The following GPR19 variants were observed in gnomAD, a reference collection of about 807,000 sequenced individuals.
GPR19 encodes the protein G protein-coupled receptor 19, also known as probable G protein-coupled receptor 19.
Under a neutral mutation model 28.5 loss-of-function variants are expected in GPR19, and 14 were observed. The observed-to-expected ratio is 0.49, with a 90% confidence interval of 0.32 to 0.77. The LOEUF (loss-of-function observed/expected upper bound fraction) is 0.77. Among genes scored for constraint, GPR19 ranks in the 30% least tolerant of loss-of-function variants. GPR19 has a pLI of 0.03. For missense variants in GPR19, 409 were observed against 504.1 expected, an observed-to-expected ratio of 0.81 and a Z score of 1.81; for synonymous variants, 173 against 184.1, an observed-to-expected ratio of 0.94 and a Z score of 0.49.
the GPR19 span, among the ~76,000 whole-genome samples, chr12:12,708,902 C>G: frequency 6.6e-6 from 1 of 152,138 alleles, no homozygotes; most frequent in Non-Finnish European, 1.5e-5. Flanking sequence ...CAAAAATTAG[C>G]TGGGCGTGGT....
upstream of GPR19, among the ~76,000 whole-genome samples, chr12:12,698,670 G>C (rs1946295413): frequency 6.6e-6 from 1 of 151,940 alleles, no homozygotes; most frequent in African/African-American, 2.4e-5. Flanking sequence ...GAGTGCCATG[G>C]CTTGATCTCG....
intron 3 of GPR19, among the ~76,000 whole-genome samples, chr12:12,672,691 G>A (rs1175888553): frequency 6.6e-6 from 1 of 151,762 alleles, no homozygotes; most frequent in Non-Finnish European, 1.5e-5. Context: ...AGGTTGCAGT[G>A]AGCCAAGATT....
At chr12:12,667,462 G>A (rs1316026210) in intron 3 of GPR19, among the ~76,000 whole-genome samples, 3 of 151,964 alleles carry the variant, frequency 2.0e-5, no homozygotes, top group Admixed American at 6.6e-5. Context: ...AGGCTGAGGC[G>A]GGCGGATCAC....
chr12:12,704,340 A>G, the GPR19 span, among the ~76,000 whole-genome samples: 1 of 152,150 alleles, frequency 6.6e-6, no homozygotes, highest in Non-Finnish European at 1.5e-5. Context: ...TGCCTCTACT[A>G]AAAATACAAA....
At chr12:12,673,383 C>T (rs1414072270) in intron 3 of GPR19, among the ~76,000 whole-genome samples, 1 of 152,212 alleles carries the variant, frequency 6.6e-6, no homozygotes, top group Non-Finnish European at 1.5e-5. Context: ...GTGGTATCTT[C>T]TGAGGTCAGG....
chr12:12,695,097 G>T (rs1946243543), intron 2 of GPR19, among the ~76,000 whole-genome samples: 1 of 152,176 alleles, frequency 6.6e-6, no homozygotes, highest in East Asian at 1.9e-4. Context: ...TACAGATGAA[G>T]TGATACTCTT....
chr12:12,702,654 T>G, the GPR19 span, among the ~76,000 whole-genome samples: 1 of 152,204 alleles, frequency 6.6e-6, no homozygotes, highest in Non-Finnish European at 1.5e-5. Context: ...ATTTCTCTGC[T>G]TTGAGAATCA....
chr12:12,705,211 G>A, the GPR19 span, among the ~76,000 whole-genome samples: 22 of 150,304 alleles, frequency 1.5e-4, no homozygotes, highest in Non-Finnish European at 3.2e-4. Flanking sequence ...CAGCTACTCG[G>A]GAGGTTGAGG....
chr12:12,673,863 C>T (rs550499861), intron 3 of GPR19, among the ~76,000 whole-genome samples: 1 of 152,148 alleles, frequency 6.6e-6, no homozygotes, highest in African/African-American at 2.4e-5. Context: ...TTTTTTTTAA[C>T]CCCCTCACGC....
the GPR19 span, among the ~76,000 whole-genome samples, chr12:12,701,802 G>A: frequency 1.3e-5 from 2 of 151,750 alleles, no homozygotes; most frequent in South Asian, 2.1e-4. Context: ...GTGGTGGTGC[G>A]TGCCTGTCAT....
chr12:12,696,369 T>C (rs1946263086), upstream of GPR19, among the ~76,000 whole-genome samples: 1 of 68,702 alleles, frequency 1.5e-5, no homozygotes, highest in Non-Finnish European at 3.4e-5. Flanking sequence ...TTTTTTTTTT[T>C]TTTTTTGCTG....
the GPR19 span, among the ~76,000 whole-genome samples, chr12:12,701,919 CAAAAAAAAA>C: frequency 1.0e-5 from 1 of 96,140 alleles, no homozygotes; most frequent in Non-Finnish European, 2.2e-5. Context: ...GACCCTGTCT[CAAAAAAAAA>C]AAAAAAAAAA....
intron 3 of GPR19, among the ~76,000 whole-genome samples, chr12:12,681,518 G>A (rs1165882606): frequency 6.6e-6 from 1 of 152,194 alleles, no homozygotes; most frequent in Non-Finnish European, 1.5e-5. Context: ...CCAGAGGGAT[G>A]TGTAGGAAGC....
In GPR19 at chr12:12,684,430, A is replaced by C. The variant is rs1040018990; in HGVS notation, c.-102T>G. ...TAGCCCTTGCATAGGAGTTTGGAGAATGCCATAAACCACCAGGAAAGCCTG... is the reference window on the plus strand; with the variant it reads ...TAGCCCTTGCATAGGAGTTTGGAGACTGCCATAAACCACCAGGAAAGCCTG... On this transcript the variant is annotated 5_prime_UTR_variant, in exon 3 of 4. Coordinates refer to ENST00000651487, the MANE Select transcript of GPR19 (RefSeq NM_006143.3). 1.3e-4 allele frequency: 20 copies of C among 152,250 alleles called. No homozygotes were observed. Among genetic ancestry groups the C allele is most frequent in the African/African-American group, 4.8e-4 (20 of 41,466 alleles). The allele number at this position is 152,250 out of a possible 1,614,324, so 9.4% of individuals were successfully genotyped here. A position where few individuals can be genotyped will look rare whatever the true frequency, so the allele number is the denominator to read the frequency against.
In GPR19 at chr12:12,661,893, C is replaced by T. The variant is rs1258591869; in HGVS notation, c.556G>A (p.Ala186Thr). Residue 186 changes from alanine (A) to threonine (T), a missense_variant, in exon 4 of 4, where the codon GCA becomes ACA. Physicochemically the swap from Ala to Thr is moderately conservative, Grantham distance 58. Coordinates refer to ENST00000651487, the MANE Select transcript of GPR19 (RefSeq NM_006143.3). The surrounding 1 kb of genome is among the most constrained non-coding windows in gnomAD (Gnocchi z 4.2). ...AAGCCTGCATCAAAGACCCACGATG[C>T]CGCAATCATTTTCTTGGCTTTTTCT... ...SREKAKKMIA[A>T]SWVFDAGFVT... 3.7e-6 allele frequency: 6 copies of T among 1,614,092 alleles called. No homozygotes were observed. In the South Asian group the frequency reaches 4.4e-5, roughly 12 times the overall value.
chr12:12,712,802 G>C, the GPR19 span, among the ~76,000 whole-genome samples: 2 of 151,970 alleles, frequency 1.3e-5, no homozygotes, highest in African/African-American at 2.4e-5. Context: ...TGAGTTGCTG[G>C]GGCTACAGGT....
chr12:12,681,078 G>A (rs778676173), intron 3 of GPR19, among the ~76,000 whole-genome samples: 8 of 152,152 alleles, frequency 5.3e-5, no homozygotes, highest in South Asian at 2.1e-4. Context: ...GATTACAGGC[G>A]TGAGTTATGG....
At chr12:12,706,947 T>TA in the GPR19 span, among the ~76,000 whole-genome samples, 22 of 152,168 alleles carry the variant, frequency 1.4e-4, no homozygotes, top group African/African-American at 4.8e-4. Flanking sequence ...CGAAGTCAGG[T>TA]AAAAAAACTC....
At position 12,661,584 on chromosome 12, in the gene GPR19, A is replaced by G; in HGVS notation, c.865T>C (p.Trp289Arg). Residue 289 changes from tryptophan (W) to arginine (R), a missense_variant, in exon 4 of 4, where the codon TGG becomes CGG. By Grantham distance (101) the Trp-to-Arg change is moderately radical. Coordinates refer to ENST00000651487, the MANE Select transcript of GPR19 (RefSeq NM_006143.3). The surrounding 1 kb of genome is among the most constrained non-coding windows in gnomAD (Gnocchi z 4.2). ...AGCTGAGCTACATGAAAAGGCAGCC[A>G]GGAGAGCAAAAACAACAGATTTAAA... Reference protein sequence around the residue: ...LILNLLFLLSWLPFHVAQLWH... With the variant: ...LILNLLFLLSRLPFHVAQLWH... 7 of 1,614,204 alleles carry G rather than the reference A, an allele frequency of 4.3e-6. No homozygotes were observed. The highest frequency in any genetic ancestry group is 5.9e-6 in the Non-Finnish European group (7 of 1,180,006).
Sources: allele counts gnomAD v4.1 joint callset (sites outside exome capture counted in the v4.1 genomes callset), GRCh38; gene constraint gnomAD v4.1.1; non-coding constraint Gnocchi (gnomAD v3.1); transcripts MANE v1.5; gene names NCBI Gene and HGNC (gene_info 2026-07-23, HGNC 2026-07-21).